Variants in VWF observed in about 807,000 individuals in gnomAD.
The protein encoded by VWF is Factor VIII related antigen.
Under a neutral mutation model 308.6 loss-of-function variants are expected in VWF, and 176 were observed. The ratio of observed to expected loss-of-function variants is 0.57; its 90% CI spans 0.50 to 0.65. The LOEUF (loss-of-function observed/expected upper bound fraction) is 0.65. VWF is among the 30% of genes least tolerant of loss of function. The pLI is 0.00. For synonymous variants in VWF, 1,385 were observed against 1,443.4 expected, an observed-to-expected ratio of 0.96 and a Z score of 0.92; for missense variants, 3,146 against 3,648.2, an observed-to-expected ratio of 0.86 and a Z score of 3.55.
intron 48 of VWF, among the ~76,000 whole-genome samples, chr12:5,953,019 G>C (rs1365669558): frequency 1.3e-5 from 2 of 152,168 alleles, no homozygotes; most frequent in East Asian, 3.9e-4. Flanking sequence ...ACGAGGTCAA[G>C]AGATCGAGAC....
chr12:6,082,035 C>T (rs1322040114), intron 6 of VWF, among the ~76,000 whole-genome samples: 1 of 151,882 alleles, frequency 6.6e-6, no homozygotes, highest in Non-Finnish European at 1.5e-5. Context: ...GGCACAATCT[C>T]GGCTCACTGC....
At chr12:6,052,457 A>T (rs1944526075) in intron 16 of VWF, 86 bp downstream of exon 16, 3 of 1,599,448 alleles carry the variant, frequency 1.9e-6, no homozygotes, top group Admixed American at 3.3e-5. Flanking sequence ...CAGTTTACCC[A>T]TCCATGAAGT....
At chr12:6,057,643 G>A (rs1944601480) in intron 14 of VWF, among the ~76,000 whole-genome samples, 1 of 147,398 alleles carries the variant, frequency 6.8e-6, no homozygotes, top group Non-Finnish European at 1.5e-5. Flanking sequence ...GGGTTGGCCT[G>A]TGGCGGGCGC....
chr12:6,061,220 A>C (rs1591892860), intron 13 of VWF, among the ~76,000 whole-genome samples: 1 of 151,982 alleles, frequency 6.6e-6, no homozygotes, highest in East Asian at 1.9e-4. Context: ...AACAAACAAA[A>C]AGAAAGTGAA....
intron 42 of VWF, among the ~76,000 whole-genome samples, chr12:5,977,693 A>G (rs1360931031): frequency 6.6e-6 from 1 of 151,862 alleles, no homozygotes; most frequent in Non-Finnish European, 1.5e-5. Flanking sequence ...AACATGATGA[A>G]ACCTTGTCTC....
chr12:6,031,411 G>C, intron 21 of VWF, 33 bp downstream of exon 21: 2 of 1,614,058 alleles, frequency 1.2e-6, no homozygotes, highest in East Asian at 2.2e-5. Context: ...AGCACAAAGC[G>C]GGACATGAGG....
intron 4 of VWF, 63 bp from the exon 5 acceptor site, chr12:6,110,645 C>T: frequency 6.5e-7 from 1 of 1,545,192 alleles, no homozygotes; most frequent in Non-Finnish European, 8.9e-7. Context: ...GTCTCTCCCA[C>T]CTTCTAACCC....
chr12:6,110,624 A>T, intron 4 of VWF, 42 bp from the exon 5 acceptor site: 1 of 1,596,892 alleles, frequency 6.3e-7, no homozygotes, highest in Non-Finnish European at 8.6e-7. Flanking sequence ...CTTCTTGTGC[A>T]TTTTCTGGAT....
intron 3 of VWF, among the ~76,000 whole-genome samples, chr12:6,114,301 A>G (rs1945341579): frequency 6.6e-6 from 1 of 152,114 alleles, no homozygotes; most frequent in Admixed American, 6.5e-5. Context: ...CTGCTGATCT[A>G]CAGCTCTTAG....
chr12:5,981,734 T>C, intron 42 of VWF, 52 bp downstream of exon 42: 1 of 1,583,370 alleles, frequency 6.3e-7, no homozygotes, highest in Middle Eastern at 1.7e-4. Context: ...CTGACAGCAA[T>C]AAATAAATGA....
intron 18 of VWF, among the ~76,000 whole-genome samples, chr12:6,041,152 G>C (rs1004324792): frequency 1.3e-5 from 2 of 152,092 alleles, no homozygotes; most frequent in Admixed American, 1.3e-4. Flanking sequence ...TTTTAAGGCC[G>C]GGCATGGTGG....
intron 6 of VWF, among the ~76,000 whole-genome samples, chr12:6,089,380 T>C (rs1285798712): frequency 6.6e-6 from 1 of 152,228 alleles, no homozygotes; most frequent in Non-Finnish European, 1.5e-5. Context: ...TCTCACGTGT[T>C]TGTGGCCTCA....
intron 18 of VWF, among the ~76,000 whole-genome samples, chr12:6,040,653 C>T (rs779756668): frequency 2.8e-4 from 43 of 152,266 alleles, no homozygotes; most frequent in South Asian, 4.1e-4. Flanking sequence ...GATACCATGC[C>T]GTTTCCAGGC....
intron 38 of VWF, among the ~76,000 whole-genome samples, chr12:5,987,293 C>T (rs1943690117): frequency 6.6e-6 from 1 of 152,170 alleles, no homozygotes; most frequent in African/African-American, 2.4e-5. Flanking sequence ...TAAATATGTT[C>T]AAGATATTTT....
At chr12:5,993,649 G>GTA (rs538196657) in intron 37 of VWF, among the ~76,000 whole-genome samples, 146 of 138,598 alleles carry the variant, frequency 1.1e-3, no homozygotes, top group South Asian at 5.2e-3. Context: ...GTGTGTGTGT[G>GTA]TATATATATA....
rs748182676 is a variant in VWF at position 6,108,980 on chromosome 12, C to CAA, written c.532+1392_532+1393dup. Among the ~76,000 whole-genome samples, 22 of 63,806 alleles carry CAA rather than the reference C, an allele frequency of 3.4e-4. No individual in the cohort carries two copies. In the South Asian group the frequency reaches 3.9e-3, roughly 11 times the overall value. The allele number at this position is 63,806 out of a possible 152,430, so 41.9% of individuals were successfully genotyped here. Reference sequence around the variant, plus strand: ...TGGGTGACAGAGCGAGACTCCGTCTCAAAAAAAAAAAAAAAAAAATTCAAA... The same window carrying CAA: ...TGGGTGACAGAGCGAGACTCCGTCTCAAAAAAAAAAAAAAAAAAAAATTCAAA... On this transcript the variant is annotated intron_variant, in intron 5 of 51. Coordinates refer to ENST00000261405, the MANE Select transcript of VWF (RefSeq NM_000552.5).
At chr12:5,965,752 C>A (rs932187638) in intron 47 of VWF, among the ~76,000 whole-genome samples, 3 of 152,160 alleles carry the variant, frequency 2.0e-5, no homozygotes, top group Admixed American at 2.0e-4. Context: ...GTCCCAGAGA[C>A]CCTTCGTGGC....
At chr12:6,096,130 TGG>T (rs1244140076) in intron 5 of VWF, among the ~76,000 whole-genome samples, 1 of 144,958 alleles carries the variant, frequency 6.9e-6, no homozygotes, top group East Asian at 1.9e-4. Context: ...GATGGATGGA[TGG>T]ATGGATGGAT....
intron 3 of VWF, among the ~76,000 whole-genome samples, chr12:6,112,299 T>A (rs1483567298): frequency 1.3e-5 from 2 of 152,156 alleles, no homozygotes; most frequent in Non-Finnish European, 2.9e-5. Context: ...CAAGACATTT[T>A]TCACAGCGTG....
Sources: gnomAD v4.1 joint callset for allele counts (sites outside exome capture counted in the v4.1 genomes callset) on GRCh38, gnomAD v4.1.1 for gene constraint, MANE v1.5 for transcripts, NCBI Gene and HGNC (gene_info 2026-07-23, HGNC 2026-07-21) for gene names.